PAX2: variants seen among roughly 807,000 people sequenced by gnomAD.
The protein encoded by PAX2 is paired box 2.
In PAX2, 9 loss-of-function variants were observed where a neutral mutation model predicts 41.7. That is an observed-to-expected ratio of 0.22 (90% CI 0.13 to 0.38). The LOEUF is 0.38. PAX2 is among the 10% of genes least tolerant of loss of function. PAX2 has a pLI of 1.00. For missense variants in PAX2, 418 were observed against 531.6 expected, an observed-to-expected ratio of 0.79 and a Z score of 2.10; for synonymous variants, 221 against 212.7, an observed-to-expected ratio of 1.04 and a Z score of -0.34.
At chr10:100,816,130 G>T (rs1848178341) in intron 7 of PAX2, among the ~76,000 whole-genome samples, 1 of 152,136 alleles carries the variant, frequency 6.6e-6, no homozygotes, top group Non-Finnish European at 1.5e-5. Flanking sequence ...GGCCTCACTT[G>T]TTCATCAGAG....
At chr10:100,779,072 C>T (rs1405481272) in intron 3 of PAX2, among the ~76,000 whole-genome samples, 1 of 152,138 alleles carries the variant, frequency 6.6e-6, no homozygotes, top group African/African-American at 2.4e-5. Flanking sequence ...AAAGCCAGCT[C>T]CAAAATGATC....
intron 3 of PAX2, among the ~76,000 whole-genome samples, chr10:100,754,165 C>T (rs1028146433): frequency 2.0e-5 from 3 of 152,134 alleles, no homozygotes; most frequent in Admixed American, 6.5e-5. Context: ...AGGAAAAAGT[C>T]GTCTAGTTAC....
chr10:100,804,243 C>A (rs1429054167), intron 5 of PAX2, among the ~76,000 whole-genome samples: 1 of 150,396 alleles, frequency 6.6e-6, no homozygotes, highest in South Asian at 2.1e-4. Context: ...CAGCCAGTGA[C>A]CTGAGGACAA....
At position 100,791,730 on chromosome 10, in the gene PAX2, G is replaced by C. The variant is rs1310949442; in HGVS notation, c.616+10365G>C. On this transcript the variant is annotated intron_variant, in intron 5 of 9. Coordinates refer to ENST00000355243, the MANE Select transcript of PAX2 (RefSeq NM_000278.5). The surrounding 1 kb of genome is among the most constrained non-coding windows in gnomAD (Gnocchi z 4.5). ...CTGGGATGGAGGGATGGGGACAGTAGGTTTGGTAGGAGTGACTCCAGGAGC... is the reference window on the plus strand; with the variant it reads ...CTGGGATGGAGGGATGGGGACAGTACGTTTGGTAGGAGTGACTCCAGGAGC... Among the ~76,000 whole-genome samples, 1 of 152,200 alleles carries C rather than the reference G, an allele frequency of 6.6e-6. No homozygotes were observed. The highest frequency in any genetic ancestry group is 2.4e-5 in the African/African-American group (1 of 41,456).
chr10:100,812,722 G>A (rs1848040078), intron 7 of PAX2, among the ~76,000 whole-genome samples: 1 of 152,230 alleles, frequency 6.6e-6, no homozygotes, highest in East Asian at 1.9e-4. Context: ...TGACAAAGGA[G>A]CATGCAGAGA....
intron 1 of PAX2, chr10:100,749,312 A>C (rs946756019): frequency 2.0e-6 from 2 of 1,003,052 alleles, no homozygotes; most frequent in Non-Finnish European, 2.4e-6. Flanking sequence ...CAAGCCCCGC[A>C]CGCGCGGACA....
intron 6 of PAX2, among the ~76,000 whole-genome samples, chr10:100,808,627 G>A (rs1421998489): frequency 6.6e-6 from 1 of 152,084 alleles, no homozygotes; most frequent in African/African-American, 2.4e-5. Context: ...AGACAGCGAG[G>A]GGCCCATGGG....
chr10:100,794,822 A>G lies in PAX2; in HGVS notation c.617-11608A>G, dbSNP rs150181220. Among the ~76,000 whole-genome samples the G allele has an allele frequency of 1.2e-3, 189 of 151,988 alleles. 3 individuals are homozygous for G. The East Asian group carries it at 0.014, about 11-fold the overall frequency. On this transcript the variant is annotated intron_variant, in intron 5 of 9. Transcript: ENST00000355243. ...CGAGATCTTTTTCACATCAATTGCT[A>G]TCAAGCCAGGTCTACCCCATTCTGC...
chr10:100,776,689 C>T (rs1846399283), intron 3 of PAX2, among the ~76,000 whole-genome samples: 1 of 152,174 alleles, frequency 6.6e-6, no homozygotes, highest in Non-Finnish European at 1.5e-5. Context: ...TCAAATGCTG[C>T]ACATCTAGGA....
At chr10:100,773,056 C>G (rs137875682) in intron 3 of PAX2, among the ~76,000 whole-genome samples, 1 of 152,296 alleles carries the variant, frequency 6.6e-6, no homozygotes, top group East Asian at 1.9e-4. Context: ...GGGTGTCTCT[C>G]CCCTGGAGGC....
At chr10:100,735,770 G>C in intron 1 of PAX2, 1 of 1,027,440 alleles carries the variant, frequency 9.7e-7, no homozygotes, top group South Asian at 4.6e-5. Flanking sequence ...CCGCAGGCGA[G>C]GACTAGGGGA....
rs938425166 is a variant in PAX2, at chr10:100,824,839, T to TG, written c.1021+96dup. The TG allele has an allele frequency of 9.3e-6, 14 of 1,512,450 alleles. No homozygotes were observed. The African/African-American group carries it at 1.4e-4, about 15-fold the overall frequency. The allele number at this position is 1,512,450 out of a possible 1,614,324, so 93.7% of individuals were successfully genotyped here. The stretch of plus-strand genomic sequence containing the variant: ...AATGGTCTGTAGTCTGAGGCTGGGG[T>TG]GGGGGGAGACACAACGTCCCCTCCC... On this transcript the variant is annotated intron_variant, in intron 8 of 9. Coordinates refer to ENST00000355243, the MANE Select transcript of PAX2 (RefSeq NM_000278.5). This position sits in a 1 kb window ranked among gnomAD's most constrained non-coding sequence, Gnocchi z 6.6.
rs531058771 is a variant in PAX2, at chr10:100,746,100, C to T, written c.-161C>T. 1.6e-4 allele frequency: 250 copies of T among 1,545,110 alleles called. 1 individual carries two copies. In the South Asian group the frequency reaches 2.4e-3, roughly 15 times the overall value. ...AACCCGGAGGAGCCCCAGCGGGGAG[C>T]GCAGTGCTGCGCCCCCCGCCCCCGC... On this transcript the variant is annotated 5_prime_UTR_variant, in exon 1 of 10. Transcript: ENST00000355243.
rs569996298 is a variant in PAX2, at chr10:100,791,911, A to G, written c.616+10546A>G. 2.0e-5 allele frequency among the ~76,000 whole-genome samples: 3 copies of G among 152,192 alleles called. No homozygotes were observed. In the South Asian group the frequency reaches 6.2e-4, roughly 32 times the overall value. ...CCACCTGGGGCAGCCAGCTTGTAGGAGCCGCCTGGGTGAGGGACAGTGTGG... is the reference window on the plus strand; with the variant it reads ...CCACCTGGGGCAGCCAGCTTGTAGGGGCCGCCTGGGTGAGGGACAGTGTGG... On this transcript the variant is annotated intron_variant, in intron 5 of 9. Coordinates refer to ENST00000355243, the MANE Select transcript of PAX2 (RefSeq NM_000278.5). This position sits in a 1 kb window ranked among gnomAD's most constrained non-coding sequence, Gnocchi z 4.5.
intron 3 of PAX2, among the ~76,000 whole-genome samples, chr10:100,774,043 A>G (rs1197272360): frequency 1.3e-5 from 2 of 152,200 alleles, no homozygotes; most frequent in African/African-American, 4.8e-5. Context: ...GAGAAGGAGA[A>G]GAAGAGAGGG....
Position 100,824,605 on chromosome 10 carries a change from C to T in PAX2, c.920-43C>T, listed in dbSNP as rs1326267692. On this transcript the variant is annotated intron_variant, in intron 7 of 9. Coordinates refer to ENST00000355243, the MANE Select transcript of PAX2 (RefSeq NM_000278.5). This position sits in a 1 kb window ranked among gnomAD's most constrained non-coding sequence, Gnocchi z 6.6. ...ACCCTGGTGTGAGTAGAGGCAGGCCCCTTTCTTCCAGGCCTCACCCCTTCC... is the reference window on the plus strand; with the variant it reads ...ACCCTGGTGTGAGTAGAGGCAGGCCTCTTTCTTCCAGGCCTCACCCCTTCC... 3 of 1,299,752 alleles carry T rather than the reference C, an allele frequency of 2.3e-6. No individual in the cohort carries two copies. The highest frequency in any genetic ancestry group is 3.4e-5 in the Admixed American group (2 of 59,586). 80.5% of individuals were successfully genotyped at this position (1,299,752 alleles called of 1,614,324 possible).
chr10:100,744,444 GCTT>G (rs1845074329), upstream of PAX2, among the ~76,000 whole-genome samples: 1 of 152,248 alleles, frequency 6.6e-6, no homozygotes, highest in Admixed American at 6.5e-5. Context: ...GAGACAAAGG[GCTT>G]CTTCTGCCTG....
chr10:100,735,735 T>G lies in PAX2; in HGVS notation c.25+2T>G. 2 of 1,042,044 alleles carry G rather than the reference T, an allele frequency of 1.9e-6. No individual in the cohort carries two copies. Among genetic ancestry groups the G allele is most frequent in the South Asian group, 4.6e-5 (1 of 21,824 alleles). The allele number at this position is 1,042,044 out of a possible 1,614,324, so 64.5% of individuals were successfully genotyped here. On this transcript the variant is annotated splice_donor_variant, in intron 1 of 9. Coordinates refer to the PAX2 transcript ENST00000679374. LOFTEE classifies it high-confidence loss of function. ...TGGAAGAGCGCGCGGGTCCGGCAGG[T>G]AAGAGCGGCAGAGACCCGTCCGCGC...
chr10:100,827,462 C>A lies in PAX2; in HGVS notation c.1109-81C>A. ...CCGCTGGACCCCAGCCAGGGGAGGT[C>A]TTTTCTGTGCTTTTCTTTCCTTTTT... is the stretch of plus-strand genomic sequence containing the variant. On this transcript the variant is annotated intron_variant, in intron 9 of 9. Transcript: ENST00000355243. This position sits in a 1 kb window ranked among gnomAD's most constrained non-coding sequence, Gnocchi z 8.5. 6.9e-7 allele frequency: 1 copy of A among 1,441,308 alleles called. No individual in the cohort carries two copies. Among genetic ancestry groups the A allele is most frequent in the Admixed American group, 1.7e-5 (1 of 59,676 alleles). The allele number at this position is 1,441,308 out of a possible 1,614,324, so 89.3% of individuals were successfully genotyped here.
Sources: allele counts gnomAD v4.1 joint callset (sites outside exome capture counted in the v4.1 genomes callset), GRCh38; gene constraint gnomAD v4.1.1; non-coding constraint Gnocchi (gnomAD v3.1); transcripts MANE v1.5; gene names NCBI Gene and HGNC (gene_info 2026-07-23, HGNC 2026-07-21).